The following PITPNC1 variants were observed in gnomAD, a reference collection of about 807,000 sequenced individuals.
PITPNC1 encodes the protein phosphatidylinositol transfer protein cytoplasmic 1.
PITPNC1 carries 18 observed loss-of-function variants against 44.7 expected under a neutral mutation model. The ratio of observed to expected loss-of-function variants is 0.40; its 90% CI spans 0.28 to 0.60. The LOEUF (loss-of-function observed/expected upper bound fraction) is 0.60, where lower values mean the gene tolerates loss of function less well. PITPNC1 is among the 20% of genes least tolerant of loss of function. The pLI is 0.39. For missense variants in PITPNC1, 290 were observed against 418.4 expected, an observed-to-expected ratio of 0.69 and a Z score of 2.68; for synonymous variants, 141 against 149.6, an observed-to-expected ratio of 0.94 and a Z score of 0.42.
intron 1 of PITPNC1, among the ~76,000 whole-genome samples, chr17:67,397,547 T>A (rs1235849220): frequency 6.6e-6 from 1 of 151,994 alleles, no homozygotes; most frequent in Non-Finnish European, 1.5e-5. Context: ...GGTTAATGGA[T>A]TGGGATTTTA....
At chr17:67,385,589 C>T (rs1419051378) in intron 1 of PITPNC1, among the ~76,000 whole-genome samples, 1 of 151,258 alleles carries the variant, frequency 6.6e-6, no homozygotes, top group African/African-American at 2.4e-5. Context: ...GCTCTTTGGT[C>T]CGCACCACCT....
chr17:67,522,515 T>C (rs1451321116), intron 1 of PITPNC1, among the ~76,000 whole-genome samples: 1 of 152,146 alleles, frequency 6.6e-6, no homozygotes, highest in Non-Finnish European at 1.5e-5. Context: ...TATTTCATAA[T>C]AAACTTTAAT....
chr17:67,537,692 G>A (rs1227482988), intron 2 of PITPNC1, among the ~76,000 whole-genome samples: 1 of 152,042 alleles, frequency 6.6e-6, no homozygotes, highest in African/African-American at 2.4e-5. Flanking sequence ...TAGAACTGGT[G>A]CTGGGTGCAG....
rs1313527522 is a variant in PITPNC1 at position 67,378,986 on chromosome 17, C to T, written c.48+784C>T. 5.1e-6 allele frequency: 5 copies of T among 985,404 alleles called. 1 individual carries two copies. In the South Asian group the frequency reaches 1.4e-4, roughly 28 times the overall value. 61.0% of individuals were successfully genotyped at this position (985,404 alleles called of 1,614,324 possible). A position where few individuals can be genotyped will look rare whatever the true frequency, so the allele number is the denominator to read the frequency against. On this transcript the variant is annotated intron_variant, in intron 1 of 8. Coordinates refer to ENST00000581322, the MANE Select transcript of PITPNC1 (RefSeq NM_012417.4). ...GGCTCGTCCTCCAAGCGCGGCTCTG[C>T]TGTCCTTCTCCCGATCCTGCGAAGC... is the stretch of plus-strand genomic sequence containing the variant.
chr17:67,461,522 G>C (rs1183587818), intron 1 of PITPNC1, among the ~76,000 whole-genome samples: 2 of 152,214 alleles, frequency 1.3e-5, no homozygotes, highest in Non-Finnish European at 2.9e-5. Flanking sequence ...ATCCCGTTGT[G>C]TTGGAGGGTG....
At chr17:67,624,168 G>A (rs2706676) in intron 5 of PITPNC1, among the ~76,000 whole-genome samples, 14,340 of 148,942 alleles carry the variant, frequency 0.096, 718 homozygotes, top group Middle Eastern at 0.14. Flanking sequence ...ATATTTGTGC[G>A]TAAGTCTTTT....
At chr17:67,643,557 A>G (rs781547471) in intron 6 of PITPNC1, among the ~76,000 whole-genome samples, 5 of 152,222 alleles carry the variant, frequency 3.3e-5, no homozygotes, top group Non-Finnish European at 7.3e-5. Context: ...GAACCTATGA[A>G]TTGGGATTCC....
At chr17:67,578,617 C>A (rs1260432443) in intron 5 of PITPNC1, among the ~76,000 whole-genome samples, 1 of 152,078 alleles carries the variant, frequency 6.6e-6, no homozygotes, top group African/African-American at 2.4e-5. Context: ...ATATCTACTT[C>A]GGAAAGGGAA....
intron 5 of PITPNC1, among the ~76,000 whole-genome samples, chr17:67,599,001 C>CATACAT (rs1213219086): frequency 2.2e-4 from 10 of 45,154 alleles, no homozygotes; most frequent in Admixed American, 1.0e-3. Flanking sequence ...ATAAGAAATA[C>CATACAT]ATATATATAT....
intron 4 of PITPNC1, among the ~76,000 whole-genome samples, chr17:67,562,683 G>A (rs980461566): frequency 5.3e-5 from 8 of 152,084 alleles, no homozygotes; most frequent in Non-Finnish European, 7.3e-5. Context: ...GCAGAAGGGC[G>A]AAGGGAGCTC....
chr17:67,555,131 G>A (rs945709828), intron 4 of PITPNC1, among the ~76,000 whole-genome samples: 1 of 152,064 alleles, frequency 6.6e-6, no homozygotes, highest in South Asian at 2.1e-4. Context: ...TAGAAGCAGG[G>A]GAACCTTTGC....
intron 1 of PITPNC1, among the ~76,000 whole-genome samples, chr17:67,489,894 C>T (rs545424014): frequency 4.6e-5 from 7 of 152,154 alleles, no homozygotes; most frequent in African/African-American, 1.2e-4. Flanking sequence ...CAGGTGTGCA[C>T]CACCACGCCC....
intron 5 of PITPNC1, among the ~76,000 whole-genome samples, chr17:67,592,075 T>G (rs2041400031): frequency 6.6e-6 from 1 of 152,032 alleles, no homozygotes; most frequent in African/African-American, 2.4e-5. Context: ...TAACTAAAGA[T>G]AAAAGAATTT....
intron 4 of PITPNC1, among the ~76,000 whole-genome samples, chr17:67,566,213 T>C (rs2040978447): frequency 6.6e-6 from 1 of 152,166 alleles, no homozygotes; most frequent in Non-Finnish European, 1.5e-5. Context: ...TGTTTGTTTG[T>C]TGTTTTTTGA....
chr17:67,627,659 G>C (rs200841446), intron 5 of PITPNC1, among the ~76,000 whole-genome samples: 1 of 152,144 alleles, frequency 6.6e-6, no homozygotes, highest in Non-Finnish European at 1.5e-5. Flanking sequence ...TTATCTTAGC[G>C]GTTGGATGCT....
chr17:67,528,893 C>T (rs923608412), intron 1 of PITPNC1, among the ~76,000 whole-genome samples: 1 of 152,102 alleles, frequency 6.6e-6, no homozygotes, highest in Non-Finnish European at 1.5e-5. Context: ...AGAGTCAATA[C>T]GAGATTTAAA....
At chr17:67,481,079 C>T (rs1199956679) in intron 1 of PITPNC1, among the ~76,000 whole-genome samples, 4 of 152,160 alleles carry the variant, frequency 2.6e-5, no homozygotes, top group Admixed American at 6.5e-5. Context: ...CAGTGGTGCA[C>T]GCCTGTAACC....
intron 1 of PITPNC1, among the ~76,000 whole-genome samples, chr17:67,444,681 A>G (rs2039068958): frequency 6.6e-6 from 1 of 152,012 alleles, no homozygotes; most frequent in Admixed American, 6.6e-5. Context: ...AGGATCGCCC[A>G]AGGTCAGGAG....
At chr17:67,522,079 G>A (rs2040332268) in intron 1 of PITPNC1, among the ~76,000 whole-genome samples, 1 of 152,154 alleles carries the variant, frequency 6.6e-6, no homozygotes, top group South Asian at 2.1e-4. Flanking sequence ...CGAGGCAGGT[G>A]CATCACCTGA....
Sources: allele counts gnomAD v4.1 joint callset (sites outside exome capture counted in the v4.1 genomes callset), GRCh38; gene constraint gnomAD v4.1.1; transcripts MANE v1.5; gene names NCBI Gene and HGNC (gene_info 2026-07-23, HGNC 2026-07-21).